The following EYS variants were observed in gnomAD, a reference collection of about 807,000 sequenced individuals.
EYS encodes the protein protein eyes shut homolog.
EYS carries 250 observed loss-of-function variants against 282.1 expected under a neutral mutation model. The ratio of observed to expected loss-of-function variants is 0.89; its 90% CI spans 0.80 to 0.98. The LOEUF is 0.98. EYS is among the 50% of genes least tolerant of loss of function. The pLI is 0.00. For missense variants in EYS, 4,016 were observed against 3,709.0 expected (o/e 1.08, Z -2.15); for synonymous variants, 1,355 against 1,282.9 (o/e 1.06, Z -1.20).
chr6:64,565,597 C>T (rs1303046096), intron 26 of EYS, among the ~76,000 whole-genome samples: 1 of 151,894 alleles, frequency 6.6e-6, no homozygotes, highest in Non-Finnish European at 1.5e-5. Context: ...GTGGTTGCCA[C>T]AAGCTGGGAG....
chr6:65,360,951 A>G (rs551698216), intron 8 of EYS, among the ~76,000 whole-genome samples: 1 of 152,098 alleles, frequency 6.6e-6, no homozygotes, highest in African/African-American at 2.4e-5. Context: ...AATCTTTTCC[A>G]TATTTCCATC....
intron 30 of EYS, among the ~76,000 whole-genome samples, chr6:64,257,454 A>G (rs910696682): frequency 2.0e-5 from 3 of 151,990 alleles, no homozygotes; most frequent in Non-Finnish European, 1.5e-5. Flanking sequence ...TCAATATCCA[A>G]GCTGACCCAA....
At chr6:65,558,859 C>T (rs1191526327) in intron 2 of EYS, among the ~76,000 whole-genome samples, 1 of 152,128 alleles carries the variant, frequency 6.6e-6, no homozygotes, top group Non-Finnish European at 1.5e-5. Flanking sequence ...TGCTCCGTAA[C>T]TCCAGAAGAG....
intron 12 of EYS, among the ~76,000 whole-genome samples, chr6:65,289,037 A>G (rs1768449286): frequency 6.6e-6 from 1 of 151,172 alleles, no homozygotes; most frequent in Non-Finnish European, 1.5e-5. Flanking sequence ...AAACAAATAA[A>G]AAACAAATAG....
chr6:65,578,960 T>C (rs1764775780), intron 2 of EYS, among the ~76,000 whole-genome samples: 1 of 152,148 alleles, frequency 6.6e-6, no homozygotes, highest in African/African-American at 2.4e-5. Flanking sequence ...TAAAACTGTT[T>C]AGTATGTTTC....
chr6:64,668,385 T>C (rs1328788049), intron 22 of EYS, among the ~76,000 whole-genome samples: 4 of 152,122 alleles, frequency 2.6e-5, no homozygotes, highest in Non-Finnish European at 4.4e-5. Context: ...CCCTGCGGTG[T>C]AGACATTGGA....
At chr6:64,686,763 G>GTGTATATATATATATATATATATATA (rs1770126860) in intron 22 of EYS, among the ~76,000 whole-genome samples, 1 of 8,580 alleles carries the variant, frequency 1.2e-4, no homozygotes, top group Non-Finnish European at 7.2e-4. Context: ...ATATATATAT[G>GTGTATATATATATATATATATATATA]TGTGTATATA....
chr6:64,950,691 A>C (rs1267851404), intron 14 of EYS, among the ~76,000 whole-genome samples: 1 of 149,660 alleles, frequency 6.7e-6, no homozygotes, highest in Non-Finnish European at 1.5e-5. Context: ...ATGTACTTAC[A>C]TTAACAACAA....
intron 22 of EYS, among the ~76,000 whole-genome samples, chr6:64,790,462 A>G (rs1774155886): frequency 6.6e-6 from 1 of 151,954 alleles, no homozygotes; most frequent in Non-Finnish European, 1.5e-5. Flanking sequence ...TACATCTAAC[A>G]ATTAGCAATC....
In EYS at chr6:63,888,820, G is replaced by T. The variant is rs368737002; in HGVS notation, c.7056-24462C>A. Among the ~76,000 whole-genome samples the T allele has an allele frequency of 2.5e-3, 378 of 152,314 alleles. 2 individuals carry two copies. The highest frequency in any genetic ancestry group is 0.02 in the Middle Eastern group (6 of 294). ...GGATTGACAGAAGTAGGCTTCAGAA[G>T]GTGGGTAATAACAAACTCCTCTGAG... On this transcript the variant is annotated intron_variant, in intron 35 of 42. Coordinates refer to ENST00000503581, the MANE Select transcript of EYS (RefSeq NM_001142800.2).
chr6:65,072,572 A>G (rs1773931673), intron 12 of EYS, among the ~76,000 whole-genome samples: 1 of 151,862 alleles, frequency 6.6e-6, no homozygotes, highest in Non-Finnish European at 1.5e-5. Flanking sequence ...AATAAAAGCA[A>G]ATAATGAAAA....
chr6:64,448,959 C>A (rs1348872812), intron 26 of EYS, among the ~76,000 whole-genome samples: 1 of 152,196 alleles, frequency 6.6e-6, no homozygotes, highest in East Asian at 1.9e-4. Context: ...ATCTCCTCCT[C>A]CAAAGGAACG....
intron 26 of EYS, among the ~76,000 whole-genome samples, chr6:64,575,311 A>T (rs1048099237): frequency 2.0e-4 from 31 of 151,584 alleles, no homozygotes; most frequent in Non-Finnish European, 4.0e-4. Context: ...AGAGCATGTT[A>T]AAAAAAGAAG....
At chr6:65,513,976 A>C (rs1403193802) in intron 2 of EYS, among the ~76,000 whole-genome samples, 1 of 152,292 alleles carries the variant, frequency 6.6e-6, no homozygotes, top group East Asian at 1.9e-4. Flanking sequence ...AAGGGTATTC[A>C]ATTCGGAAAA....
chr6:64,333,291 T>C (rs138304716), intron 29 of EYS, among the ~76,000 whole-genome samples: 98 of 152,234 alleles, frequency 6.4e-4, no homozygotes, highest in African/African-American at 2.0e-3. Flanking sequence ...ATGGAAGTAT[T>C]CCCTTACTCA....
intron 8 of EYS, among the ~76,000 whole-genome samples, chr6:65,370,633 G>T (rs11967749): frequency 0.91 from 137,701 of 151,664 alleles, 62,800 homozygotes; most frequent in Non-Finnish European, 0.95. Context: ...TTCCCACCTT[G>T]CAACAAATGC....
chr6:65,455,948 A>AGATG (rs1340227975), intron 5 of EYS, among the ~76,000 whole-genome samples: 2 of 151,392 alleles, frequency 1.3e-5, no homozygotes, highest in East Asian at 1.9e-4. Context: ...GATGCAGGAA[A>AGATG]GACGGAAGGA....
chr6:64,508,499 C>G (rs1220286883), intron 26 of EYS, among the ~76,000 whole-genome samples: 1 of 151,014 alleles, frequency 6.6e-6, no homozygotes, highest in Non-Finnish European at 1.5e-5. Flanking sequence ...GATCATATGA[C>G]TAAGGAGAAA....
At chr6:63,765,210 A>C (rs1034447090) in intron 40 of EYS, among the ~76,000 whole-genome samples, 2 of 152,060 alleles carry the variant, frequency 1.3e-5, no homozygotes, top group African/African-American at 4.8e-5. Context: ...ATTGTGCTTG[A>C]TACTGAGATT....
Sources: gnomAD v4.1 joint callset for allele counts (sites outside exome capture counted in the v4.1 genomes callset) on GRCh38, gnomAD v4.1.1 for gene constraint, MANE v1.5 for transcripts, NCBI Gene and HGNC (gene_info 2026-07-23, HGNC 2026-07-21) for gene names.